Variants in NLGN1 observed in about 807,000 individuals in gnomAD.
NLGN1 encodes neuroligin-1.
Under a neutral mutation model 65.5 loss-of-function variants are expected in NLGN1, and 12 were observed. The ratio of observed to expected loss-of-function variants is 0.18; its 90% confidence interval spans 0.12 to 0.30. The LOEUF (loss-of-function observed/expected upper bound fraction) is 0.30. Among genes scored for constraint, NLGN1 ranks in the 10% least tolerant of loss-of-function variants. The probability of loss-of-function intolerance (pLI) is 1.00; values close to 1 mark genes in which losing one functional copy is unlikely to be tolerated. For missense variants in NLGN1, 750 were observed against 1,007.1 expected, an observed-to-expected ratio of 0.74 and a Z score of 3.46; for synonymous variants, 350 against 359.5, an observed-to-expected ratio of 0.97 and a Z score of 0.30.
rs1348359391 is a variant in NLGN1, at chr3:173,734,814, C to A, written c.494-72866C>A. Among the ~76,000 whole-genome samples the A allele has an allele frequency of 1.3e-5, 2 of 152,032 alleles. 1 individual carries two copies. The highest frequency in any genetic ancestry group is 4.8e-5 in the African/African-American group (2 of 41,378). ...GAATTTTCCCTGACAAAGTTAATATCTTCAACAAATTATTGCAATTGCTTT... is the reference window on the plus strand; with the variant it reads ...GAATTTTCCCTGACAAAGTTAATATATTCAACAAATTATTGCAATTGCTTT... On this transcript the variant is annotated intron_variant, in intron 3 of 6. Coordinates refer to ENST00000457714, the Ensembl canonical transcript of NLGN1.
intron 4 of NLGN1, among the ~76,000 whole-genome samples, chr3:173,960,475 G>C (rs1381125360): frequency 1.3e-5 from 2 of 151,770 alleles, no homozygotes; most frequent in Non-Finnish European, 2.9e-5. Flanking sequence ...AAATTTTAGA[G>C]ATTTGTAGAG....
At chr3:173,754,973 A>G (rs1226649914) in intron 3 of NLGN1, among the ~76,000 whole-genome samples, 2 of 152,156 alleles carry the variant, frequency 1.3e-5, no homozygotes, top group Non-Finnish European at 2.9e-5. Flanking sequence ...GGTTAAAGAT[A>G]GGACTTGAAA....
chr3:174,134,544 T>G (rs1720852702), intron 4 of NLGN1, among the ~76,000 whole-genome samples: 1 of 152,138 alleles, frequency 6.6e-6, no homozygotes, highest in Non-Finnish European at 1.5e-5. Context: ...GACTTTATAC[T>G]GAAGGACTAA....
Position 174,035,520 on chromosome 3 carries a change from G to A in NLGN1, c.646+227688G>A, listed in dbSNP as rs143015836. 3.9e-3 allele frequency among the ~76,000 whole-genome samples: 588 copies of A among 152,284 alleles called. 3 individuals are homozygous for A. The highest frequency in any genetic ancestry group is 6.5e-3 in the Non-Finnish European group (439 of 68,020). On this transcript the variant is annotated intron_variant, in intron 4 of 6. Transcript: ENST00000457714. The stretch of plus-strand genomic sequence containing the variant: ...GATCTCACATGTAATCCTGGTGGCA[G>A]TTTCTACTGCCACTTACTGTCTCAC...
intron 2 of NLGN1, among the ~76,000 whole-genome samples, chr3:173,537,788 A>T (rs537669913): frequency 2.6e-5 from 4 of 152,130 alleles, no homozygotes; most frequent in Non-Finnish European, 5.9e-5. Flanking sequence ...TGCACAGGAC[A>T]TAGTGATATC....
At position 173,487,311 on chromosome 3, in the gene NLGN1, GT is replaced by G. The variant is rs369031681; in HGVS notation, c.-321+52242del. Among the ~76,000 whole-genome samples, 1,396 of 150,666 alleles carry G rather than the reference GT, an allele frequency of 9.3e-3. 24 individuals are homozygous for G. The highest frequency in any genetic ancestry group is 0.032 in the African/African-American group (1,316 of 41,160). On this transcript the variant is annotated intron_variant, in intron 2 of 6. Coordinates refer to ENST00000457714, the Ensembl canonical transcript of NLGN1. ...CTAAGCCTTGGTTTGGGAATTAGGA[GT>G]TTTTTTTTATTATTTCTACTTTTGT... is the stretch of plus-strand genomic sequence containing the variant.
chr3:174,100,827 C>T (rs1712271419), intron 4 of NLGN1, among the ~76,000 whole-genome samples: 1 of 151,766 alleles, frequency 6.6e-6, no homozygotes, highest in African/African-American at 2.4e-5. Flanking sequence ...TTCTAGTTCA[C>T]CAGAGAAAGT....
chr3:173,790,164 G>GTA, intron 3 of NLGN1, among the ~76,000 whole-genome samples: 1 of 152,144 alleles, frequency 6.6e-6, no homozygotes, highest in South Asian at 2.1e-4. Context: ...ATATATGTGT[G>GTA]TATATATGTG....
intron 4 of NLGN1, among the ~76,000 whole-genome samples, chr3:174,190,007 C>T (rs1732089808): frequency 6.6e-6 from 1 of 152,000 alleles, no homozygotes; most frequent in Admixed American, 6.6e-5. Context: ...AGCTAGGTGA[C>T]TTGAATATCA....
intron 3 of NLGN1, among the ~76,000 whole-genome samples, chr3:173,764,303 A>G (rs1000625984): frequency 5.9e-5 from 9 of 152,172 alleles, no homozygotes; most frequent in Non-Finnish European, 2.9e-5. Context: ...AGTAGGTGAT[A>G]AGTATACTCT....
chr3:173,455,988 C>G (rs73036250), intron 2 of NLGN1, among the ~76,000 whole-genome samples: 24,249 of 151,938 alleles, frequency 0.16, 1,997 homozygotes, highest in Middle Eastern at 0.26. Context: ...TTGAACATTC[C>G]TCCACCTTTT....
chr3:174,009,827 A>G (rs534754405), intron 4 of NLGN1, among the ~76,000 whole-genome samples: 103 of 152,244 alleles, frequency 6.8e-4, no homozygotes, highest in African/African-American at 2.3e-3. Flanking sequence ...TGAGAGGACA[A>G]TGGCTCAGCT....
At chr3:173,734,574 T>C (rs1459443316) in intron 3 of NLGN1, among the ~76,000 whole-genome samples, 2 of 151,336 alleles carry the variant, frequency 1.3e-5, no homozygotes, top group Non-Finnish European at 2.9e-5. Context: ...TTTTTTATTT[T>C]TTATTTTTTG....
intron 4 of NLGN1, among the ~76,000 whole-genome samples, chr3:174,008,331 G>A (rs540984835): frequency 4.6e-5 from 7 of 152,032 alleles, no homozygotes; most frequent in African/African-American, 1.4e-4. Flanking sequence ...CATTGAGATG[G>A]GAATAATATC....
intron 4 of NLGN1, among the ~76,000 whole-genome samples, chr3:174,028,728 C>A (rs1224393106): frequency 6.6e-6 from 1 of 152,202 alleles, no homozygotes; most frequent in Admixed American, 6.5e-5. Flanking sequence ...TTCAAGCCAG[C>A]TGCAAAAATT....
intron 4 of NLGN1, among the ~76,000 whole-genome samples, chr3:173,997,491 G>C (rs982916517): frequency 3.9e-5 from 6 of 152,142 alleles, no homozygotes; most frequent in Non-Finnish European, 5.9e-5. Context: ...GAGTCTTAAT[G>C]AGATTTCCAG....
At chr3:174,078,994 C>CGG (rs142474004) in intron 4 of NLGN1, among the ~76,000 whole-genome samples, 1,527 of 151,426 alleles carry the variant, frequency 0.01, 27 homozygotes, top group African/African-American at 0.035. Flanking sequence ...CGTAATACAA[C>CGG]GGTGTGTGTG....
intron 3 of NLGN1, among the ~76,000 whole-genome samples, chr3:173,671,063 G>A (rs1010320919): frequency 3.3e-5 from 5 of 152,042 alleles, no homozygotes; most frequent in South Asian, 2.1e-4. Flanking sequence ...TGTATTATTA[G>A]TACACTCTTC....
intron 4 of NLGN1, among the ~76,000 whole-genome samples, chr3:173,965,766 T>G (rs1714709303): frequency 6.6e-6 from 1 of 152,096 alleles, no homozygotes; most frequent in Admixed American, 6.6e-5. Context: ...GTACTTATCT[T>G]TCTCTGAAAT....
Sources: allele counts gnomAD v4.1 joint callset (sites outside exome capture counted in the v4.1 genomes callset), GRCh38; gene constraint gnomAD v4.1.1; transcripts MANE v1.5; gene names NCBI Gene and HGNC (gene_info 2026-07-23, HGNC 2026-07-21).